Variants in SPOCK1 observed in about 807,000 individuals in gnomAD.
SPOCK1 encodes the protein SPARC (osteonectin), cwcv and kazal like domains proteoglycan 1, also known as testican-1.
Under a neutral mutation model 55.3 loss-of-function variants are expected in SPOCK1, and 23 were observed. That is an observed-to-expected ratio of 0.42 (90% CI 0.30 to 0.59). SPOCK1 has a LOEUF of 0.59. Ranked by LOEUF, SPOCK1 falls within the 20% of genes least tolerant of loss-of-function variation. The pLI is 0.22. For synonymous variants in SPOCK1, 226 were observed against 221.0 expected (o/e 1.02, Z -0.20); for missense variants, 499 against 552.5 (o/e 0.90, Z 0.97).
intron 3 of SPOCK1, among the ~76,000 whole-genome samples, chr5:137,221,796 G>A (rs1041704487): frequency 6.6e-6 from 1 of 152,230 alleles, no homozygotes; most frequent in African/African-American, 2.4e-5. Flanking sequence ...ATTAGCATCT[G>A]AAATATTTCT....
At chr5:137,036,695 G>A (rs1440075741) in intron 6 of SPOCK1, among the ~76,000 whole-genome samples, 1 of 152,222 alleles carries the variant, frequency 6.6e-6, no homozygotes, top group African/African-American at 2.4e-5. Context: ...GGACGGTAAG[G>A]CCGGAATGTG....
At chr5:137,387,873 T>A (rs942457807) in intron 2 of SPOCK1, among the ~76,000 whole-genome samples, 2 of 150,258 alleles carry the variant, frequency 1.3e-5, no homozygotes, top group African/African-American at 2.5e-5. Context: ...AAAAAAAAAA[T>A]AAAGTATATT....
intron 3 of SPOCK1, among the ~76,000 whole-genome samples, chr5:137,157,481 T>G (rs1158860057): frequency 6.6e-6 from 1 of 152,212 alleles, no homozygotes; most frequent in East Asian, 1.9e-4. Flanking sequence ...CAGTCTTAAG[T>G]GTGCCGTCTA....
chr5:137,456,299 A>T (rs1438144913), intron 2 of SPOCK1, among the ~76,000 whole-genome samples: 1 of 152,208 alleles, frequency 6.6e-6, no homozygotes. Context: ...GAGGAGAAAC[A>T]GGATTCTGTA....
intron 2 of SPOCK1, among the ~76,000 whole-genome samples, chr5:137,402,219 T>G (rs1479075622): frequency 2.6e-5 from 4 of 152,148 alleles, no homozygotes; most frequent in Non-Finnish European, 1.5e-5. Flanking sequence ...GAGTTTTCAT[T>G]TGCTTCAGTA....
intron 3 of SPOCK1, among the ~76,000 whole-genome samples, chr5:137,191,052 G>T (rs1561466785): frequency 6.6e-6 from 1 of 152,166 alleles, no homozygotes; most frequent in Admixed American, 6.5e-5. Flanking sequence ...AATGTTCCTG[G>T]CTGTCTTCTA....
intron 3 of SPOCK1, among the ~76,000 whole-genome samples, chr5:137,235,815 C>A (rs1756169422): frequency 6.6e-6 from 1 of 152,234 alleles, no homozygotes; most frequent in African/African-American, 2.4e-5. Flanking sequence ...GTACAAGAGG[C>A]AGGCAGCTCA....
At chr5:137,324,772 G>GT (rs1377660630) in intron 2 of SPOCK1, among the ~76,000 whole-genome samples, 1 of 150,206 alleles carries the variant, frequency 6.7e-6, no homozygotes, top group African/African-American at 2.5e-5. Flanking sequence ...CATGTTATTT[G>GT]TTTTTTTAAC....
At chr5:137,179,345 G>A (rs1754922436) in intron 3 of SPOCK1, among the ~76,000 whole-genome samples, 1 of 152,076 alleles carries the variant, frequency 6.6e-6, no homozygotes, top group African/African-American at 2.4e-5. Flanking sequence ...CTCACAAAAG[G>A]CACAGCCATT....
At chr5:137,320,137 A>T (rs1472089362) in intron 2 of SPOCK1, among the ~76,000 whole-genome samples, 2 of 152,226 alleles carry the variant, frequency 1.3e-5, no homozygotes, top group Admixed American at 6.5e-5. Flanking sequence ...ACAGCTCATG[A>T]TCAAAAAGAA....
At chr5:137,476,933 A>G (rs953772153) in intron 2 of SPOCK1, among the ~76,000 whole-genome samples, 1 of 152,140 alleles carries the variant, frequency 6.6e-6, no homozygotes. Context: ...TCAAAAAAAA[A>G]AGTCTTATGT....
intron 3 of SPOCK1, among the ~76,000 whole-genome samples, chr5:137,186,852 T>C (rs1291223061): frequency 2.6e-5 from 4 of 152,136 alleles, no homozygotes; most frequent in Non-Finnish European, 5.9e-5. Context: ...CACAAAACTG[T>C]TCTCACCAGA....
chr5:137,143,615 G>C (rs1282635767), intron 3 of SPOCK1, among the ~76,000 whole-genome samples: 1 of 152,132 alleles, frequency 6.6e-6, no homozygotes, highest in Non-Finnish European at 1.5e-5. Flanking sequence ...ATATCTGTAA[G>C]TACTTAGACC....
chr5:137,430,045 C>A, intron 2 of SPOCK1, among the ~76,000 whole-genome samples: 1 of 152,182 alleles, frequency 6.6e-6, no homozygotes, highest in East Asian at 1.9e-4. Flanking sequence ...GGCAGGAGAG[C>A]ATTTCATATT....
intron 3 of SPOCK1, among the ~76,000 whole-genome samples, chr5:137,188,046 TAGAGA>T (rs1221371745): frequency 2.0e-5 from 3 of 152,176 alleles, no homozygotes; most frequent in Non-Finnish European, 4.4e-5. Context: ...AGCAGCAGTG[TAGAGA>T]AGAGGAGTTA....
At chr5:137,384,274 G>A (rs1051344378) in intron 2 of SPOCK1, among the ~76,000 whole-genome samples, 8 of 152,190 alleles carry the variant, frequency 5.3e-5, no homozygotes, top group Non-Finnish European at 1.2e-4. Flanking sequence ...GACAAGCAGA[G>A]CTGCCCAGTG....
chr5:137,043,536 C>T (rs981854094), intron 6 of SPOCK1, among the ~76,000 whole-genome samples: 4 of 152,106 alleles, frequency 2.6e-5, no homozygotes, highest in African/African-American at 9.7e-5. Flanking sequence ...ACTACCTCAG[C>T]CAGGTGATCA....
At chr5:137,092,797 G>A in intron 5 of SPOCK1, among the ~76,000 whole-genome samples, 1 of 152,214 alleles carries the variant, frequency 6.6e-6, no homozygotes, top group Non-Finnish European at 1.5e-5. Flanking sequence ...AACTGTAGTA[G>A]TCCATTTGCT....
chr5:137,190,491 A>AT (rs1460004550), intron 3 of SPOCK1, among the ~76,000 whole-genome samples: 3 of 152,192 alleles, frequency 2.0e-5, no homozygotes, highest in African/African-American at 7.2e-5. Context: ...ATGTACATTG[A>AT]TTTTTAAGAT....
Sources: gnomAD v4.1 joint callset for allele counts (sites outside exome capture counted in the v4.1 genomes callset) on GRCh38, gnomAD v4.1.1 for gene constraint, MANE v1.5 for transcripts, NCBI Gene and HGNC (gene_info 2026-07-23, HGNC 2026-07-21) for gene names.